SEMA6A: variants seen among roughly 807,000 people sequenced by gnomAD.
SEMA6A encodes semaphorin-6A.
SEMA6A carries 25 observed loss-of-function variants against 96.8 expected under a neutral mutation model. That is an observed-to-expected ratio of 0.26 (90% CI 0.19 to 0.36). The LOEUF (loss-of-function observed/expected upper bound fraction) is 0.36, where lower values mean the gene tolerates loss of function less well. Among genes scored for constraint, SEMA6A ranks in the 10% least tolerant of loss-of-function variants. The pLI is 1.00. For missense variants in SEMA6A, 1,363 were observed against 1,323.1 expected, an observed-to-expected ratio of 1.03 and a Z score of -0.47; for synonymous variants, 612 against 518.0, an observed-to-expected ratio of 1.18 and a Z score of -2.46.
At position 116,445,116 on chromosome 5, in the gene SEMA6A, C is replaced by A. The variant is rs145604006; in HGVS notation, c.*1497G>T. 6.6e-6 allele frequency: 1 copy of A among 152,618 alleles called. No individual in the cohort carries two copies. Among genetic ancestry groups the A allele is most frequent in the African/African-American group, 2.4e-5 (1 of 41,444 alleles). 9.5% of individuals were successfully genotyped at this position (152,618 alleles called of 1,614,324 possible). ...AATTGGAGGGTGTGGTGCTGCCCAG[C>A]GTTCTCAGGCTGTCGCATGACAACT... On this transcript the variant is annotated 3_prime_UTR_variant, in exon 19 of 19. Transcript: ENST00000343348.
intron 1 of SEMA6A, among the ~76,000 whole-genome samples, chr5:116,539,010 A>G (rs1252146767): frequency 6.6e-6 from 1 of 152,210 alleles, no homozygotes; most frequent in Non-Finnish European, 1.5e-5. Flanking sequence ...AGCAACTAAG[A>G]AAATATTTTC....
intron 15 of SEMA6A, among the ~76,000 whole-genome samples, chr5:116,477,246 AT>A (rs1393930281): frequency 2.6e-5 from 4 of 151,832 alleles, no homozygotes; most frequent in African/African-American, 9.7e-5. Context: ...CAGGGTAACA[AT>A]TTTAAACACC....
chr5:116,564,775 TGACAAA>T (rs1347132931), intron 1 of SEMA6A, among the ~76,000 whole-genome samples: 2 of 152,182 alleles, frequency 1.3e-5, no homozygotes, highest in East Asian at 3.8e-4. Context: ...ATTCACGAGT[TGACAAA>T]GCAGTAGACC....
chr5:116,565,413 C>T (rs997418923), intron 1 of SEMA6A, among the ~76,000 whole-genome samples: 2 of 152,184 alleles, frequency 1.3e-5, no homozygotes, highest in Non-Finnish European at 2.9e-5. Context: ...AAAGCAGCCT[C>T]CATGATTAAC....
In SEMA6A at chr5:116,461,488, T is replaced by TA. The variant is rs10577042; in HGVS notation, c.1894+6094dup. On this transcript the variant is annotated intron_variant, in intron 18 of 18. Transcript: ENST00000343348. ...TTTTTCTTGAAATAAAGCTTAGGCT[T>TA]AAAAAAAATAAAAGCCTGAGTTTGC... 3.0e-4 allele frequency among the ~76,000 whole-genome samples: 45 copies of TA among 151,272 alleles called. 1 individual carries two copies. The highest frequency in any genetic ancestry group is 7.4e-5 in the Non-Finnish European group (5 of 67,700).
chr5:116,455,273 G>C (rs972648029), intron 18 of SEMA6A, among the ~76,000 whole-genome samples: 3 of 152,158 alleles, frequency 2.0e-5, no homozygotes, highest in African/African-American at 7.2e-5. Context: ...TCTAGACTAA[G>C]AGTCATGATA....
At chr5:116,480,528 G>A (rs897869414) in intron 11 of SEMA6A, among the ~76,000 whole-genome samples, 2 of 152,160 alleles carry the variant, frequency 1.3e-5, no homozygotes, top group African/African-American at 4.8e-5. Context: ...CTTCCTCCCA[G>A]AAGCACAAAC....
intron 6 of SEMA6A, among the ~76,000 whole-genome samples, chr5:116,495,113 A>G (rs1757524683): frequency 6.6e-6 from 1 of 152,186 alleles, no homozygotes; most frequent in Admixed American, 6.5e-5. Context: ...GAAAAAAAAT[A>G]GAGGAAATCC....
intron 6 of SEMA6A, among the ~76,000 whole-genome samples, chr5:116,492,715 T>A (rs567173618): frequency 5.3e-5 from 8 of 152,326 alleles, no homozygotes; most frequent in Admixed American, 1.3e-4. Flanking sequence ...TTAATATAGA[T>A]CAGGGCATGG....
At chr5:116,497,164 T>C (rs1757642677) in intron 4 of SEMA6A, among the ~76,000 whole-genome samples, 163 bp downstream of exon 4, 1 of 152,256 alleles carries the variant, frequency 6.6e-6, no homozygotes, top group Non-Finnish European at 1.5e-5. Context: ...TCTGAACATG[T>C]ATCAAATCCT....
At chr5:116,497,438 T>C in intron 3 of SEMA6A, 51 bp from the exon 4 acceptor site, 1 of 1,131,690 alleles carries the variant, frequency 8.8e-7, no homozygotes, top group Non-Finnish European at 1.3e-6. Context: ...TCAAAACAGT[T>C]CATTTTCTGC....
Position 116,488,927 on chromosome 5 carries a change from T to G in SEMA6A, c.616A>C (p.Thr206Pro). The change falls in exon 8 of 19, where the codon ACC (threonine) becomes CCC (proline). Residue 206 changes from threonine (T) to proline (P), a missense_variant. Coordinates refer to ENST00000343348, the MANE Select transcript of SEMA6A (RefSeq NM_020796.5). ...GAATCGTGCTTGACGGTCCGCAGGG[T>G]AGGGCTTTCTCCAAGACTCCGGTAA... ...VIYRSLGESP[T>P]LRTVKHDSKW... The G allele has an allele frequency of 1.9e-6, 3 of 1,588,538 alleles. No individual in the cohort carries two copies. Among genetic ancestry groups the G allele is most frequent in the Non-Finnish European group, 2.6e-6 (3 of 1,166,378 alleles).
At position 116,534,368 on chromosome 5, in the gene SEMA6A, C is replaced by G. The variant is rs117698806; in HGVS notation, c.-38-29386G>C. 1.2e-3 allele frequency among the ~76,000 whole-genome samples: 177 copies of G among 152,308 alleles called. 4 individuals carry two copies. In the East Asian group the frequency reaches 0.031, roughly 26 times the overall value. ...TGCACTTATAACAACACACAGACTC[C>G]ACATCTACATGGCTCACAACTCTGA... is the stretch of plus-strand genomic sequence containing the variant. On this transcript the variant is annotated intron_variant, in intron 1 of 18. Transcript: ENST00000343348.
chr5:116,560,756 T>C (rs1760791573), intron 1 of SEMA6A, among the ~76,000 whole-genome samples: 2 of 152,082 alleles, frequency 1.3e-5, no homozygotes, highest in Non-Finnish European at 2.9e-5. Context: ...CCATTTGCCA[T>C]TTGATATTTC....
At chr5:116,524,775 C>CACACACACACACAG (rs139692684) in intron 1 of SEMA6A, among the ~76,000 whole-genome samples, 75 of 145,672 alleles carry the variant, frequency 5.1e-4, no homozygotes, top group Middle Eastern at 6.9e-3. Context: ...TATGTATACA[C>CACACACACACACAG]ACACACACAC....
chr5:116,498,148 T>C (rs1345823651), intron 3 of SEMA6A, among the ~76,000 whole-genome samples: 1 of 152,074 alleles, frequency 6.6e-6, no homozygotes, highest in Non-Finnish European at 1.5e-5. Context: ...GGCGTTTTTG[T>C]CTGGAATTTG....
chr5:116,475,365 T>C (rs1756393546), intron 16 of SEMA6A, among the ~76,000 whole-genome samples, 180 bp downstream of exon 16: 1 of 152,200 alleles, frequency 6.6e-6, no homozygotes, highest in African/African-American at 2.4e-5. Context: ...GTGACAACAT[T>C]GACAACACTG....
chr5:116,546,279 T>C (rs962087650), intron 1 of SEMA6A, among the ~76,000 whole-genome samples: 1 of 152,258 alleles, frequency 6.6e-6, no homozygotes, highest in African/African-American at 2.4e-5. Flanking sequence ...TAAAGGTCCA[T>C]GTAATGACTT....
At chr5:116,552,382 C>T (rs1760450780) in intron 1 of SEMA6A, among the ~76,000 whole-genome samples, 1 of 151,970 alleles carries the variant, frequency 6.6e-6, no homozygotes, top group Non-Finnish European at 1.5e-5. Context: ...TTTTTCCAAG[C>T]CAGGGTAAAG....
Sources: gnomAD v4.1 joint callset for allele counts (sites outside exome capture counted in the v4.1 genomes callset) on GRCh38, gnomAD v4.1.1 for gene constraint, MANE v1.5 for transcripts, NCBI Gene and HGNC (gene_info 2026-07-23, HGNC 2026-07-21) for gene names.